Variants in HS3ST4 observed in about 807,000 individuals in gnomAD.
HS3ST4 encodes the protein heparan sulfate glucosamine 3-O-sulfotransferase 4.
In HS3ST4, 17 loss-of-function variants were observed where a neutral mutation model predicts 29.2. The observed-to-expected ratio is 0.58, with a 90% CI of 0.40 to 0.87. The LOEUF (loss-of-function observed/expected upper bound fraction) is 0.87, where lower values mean the gene tolerates loss of function less well. Among genes scored for constraint, HS3ST4 ranks in the 40% least tolerant of loss-of-function variants. HS3ST4 has a pLI of 0.00. For synonymous variants in HS3ST4, 314 were observed against 285.7 expected, an observed-to-expected ratio of 1.10 and a Z score of -1.00; for missense variants, 627 against 634.5, an observed-to-expected ratio of 0.99 and a Z score of 0.13.
intron 1 of HS3ST4, among the ~76,000 whole-genome samples, chr16:26,120,866 C>T (rs1899266313): frequency 6.6e-6 from 1 of 152,132 alleles, no homozygotes; most frequent in Admixed American, 6.5e-5. Context: ...ATGAAATGAC[C>T]TCACTATTGG....
chr16:25,756,216 A>T (rs888864337), intron 1 of HS3ST4, among the ~76,000 whole-genome samples: 1 of 151,920 alleles, frequency 6.6e-6, no homozygotes, highest in Non-Finnish European at 1.5e-5. Context: ...TGGCCCTCAA[A>T]CACATGTGAG....
rs914982928 is a variant in HS3ST4 at position 25,793,274 on chromosome 16, C to T, written c.734+100123C>T. 4.6e-5 allele frequency among the ~76,000 whole-genome samples: 7 copies of T among 151,802 alleles called. No individual in the cohort carries two copies. In the East Asian group the frequency reaches 5.8e-4, roughly 13 times the overall value. On this transcript the variant is annotated intron_variant, in intron 1 of 1. Transcript: ENST00000331351. The stretch of plus-strand genomic sequence containing the variant: ...TAAATTATTGTTAAATGCAGCATTG[C>T]GTATATTTCAATTAGATAAACATCG...
At chr16:26,021,328 C>T (rs559426799) in intron 1 of HS3ST4, among the ~76,000 whole-genome samples, 4 of 152,184 alleles carry the variant, frequency 2.6e-5, no homozygotes, top group African/African-American at 7.2e-5. Flanking sequence ...TCCTGCCCAG[C>T]GGTGATCAGC....
At chr16:26,004,884 A>G (rs1049741815) in intron 1 of HS3ST4, among the ~76,000 whole-genome samples, 1 of 152,116 alleles carries the variant, frequency 6.6e-6, no homozygotes, top group Non-Finnish European at 1.5e-5. Flanking sequence ...CTGGGAAGAT[A>G]TTTCTGGATT....
intron 1 of HS3ST4, among the ~76,000 whole-genome samples, chr16:25,991,180 C>A (rs1355494316): frequency 6.6e-6 from 1 of 152,042 alleles, no homozygotes; most frequent in African/African-American, 2.4e-5. Flanking sequence ...TAATTTAAAC[C>A]CACTGAACCA....
At chr16:26,113,903 TATATGTGTGC>T (rs954693841) in intron 1 of HS3ST4, among the ~76,000 whole-genome samples, 2 of 152,176 alleles carry the variant, frequency 1.3e-5, no homozygotes, top group African/African-American at 4.8e-5. Flanking sequence ...CATGTATGTA[TATATGTGTGC>T]ATATGTGGGC....
chr16:25,910,068 C>T (rs1227759929), intron 1 of HS3ST4, among the ~76,000 whole-genome samples: 1 of 152,164 alleles, frequency 6.6e-6, no homozygotes, highest in Non-Finnish European at 1.5e-5. Flanking sequence ...AGGCATCAAT[C>T]AGATATAGCT....
At chr16:25,787,547 T>G (rs1966859448) in intron 1 of HS3ST4, among the ~76,000 whole-genome samples, 1 of 152,192 alleles carries the variant, frequency 6.6e-6, no homozygotes, top group Non-Finnish European at 1.5e-5. Context: ...TCTTCTAAAA[T>G]AGGGATATGC....
chr16:25,863,046 T>G (rs1417850338), intron 1 of HS3ST4, among the ~76,000 whole-genome samples: 4 of 152,230 alleles, frequency 2.6e-5, no homozygotes, highest in African/African-American at 4.8e-5. Flanking sequence ...CATTTGGCTA[T>G]TTGGATTTCT....
intron 1 of HS3ST4, among the ~76,000 whole-genome samples, chr16:25,940,260 T>C (rs574747720): frequency 2.1e-4 from 20 of 96,612 alleles, no homozygotes; most frequent in Non-Finnish European, 4.4e-4. Context: ...AGTGAATTAG[T>C]CTGATGATTA....
chr16:25,905,088 G>A (rs1968166460), intron 1 of HS3ST4, among the ~76,000 whole-genome samples: 1 of 152,052 alleles, frequency 6.6e-6, no homozygotes, highest in Non-Finnish European at 1.5e-5. Context: ...ATTTAATGCT[G>A]GAGTATAGAA....
At chr16:25,918,447 G>A (rs1016187070) in intron 1 of HS3ST4, among the ~76,000 whole-genome samples, 1 of 152,214 alleles carries the variant, frequency 6.6e-6, no homozygotes, top group African/African-American at 2.4e-5. Context: ...AGGGGAGGTA[G>A]CACTACATGG....
chr16:25,815,258 T>G (rs1967081678), intron 1 of HS3ST4, among the ~76,000 whole-genome samples: 1 of 152,178 alleles, frequency 6.6e-6, no homozygotes, highest in Admixed American at 6.5e-5. Context: ...GAAGTGTGAA[T>G]TTCACCCCCG....
At chr16:25,900,665 G>A (rs931782686) in intron 1 of HS3ST4, among the ~76,000 whole-genome samples, 3 of 152,064 alleles carry the variant, frequency 2.0e-5, no homozygotes, top group Non-Finnish European at 4.4e-5. Flanking sequence ...GGGTAAACTT[G>A]ATAAAGAAGC....
intron 1 of HS3ST4, among the ~76,000 whole-genome samples, chr16:25,772,861 G>A (rs188596422): frequency 1.6e-3 from 243 of 152,286 alleles, no homozygotes; most frequent in African/African-American, 4.4e-3. Context: ...TGGCTATGAC[G>A]TCGAGAGATG....
At chr16:25,993,193 T>C in intron 1 of HS3ST4, among the ~76,000 whole-genome samples, 1 of 152,144 alleles carries the variant, frequency 6.6e-6, no homozygotes, top group East Asian at 1.9e-4. Flanking sequence ...ATTGCTGTCA[T>C]GGAATGCCAT....
At position 25,862,513 on chromosome 16, in the gene HS3ST4, C is replaced by T. The variant is rs115283034; in HGVS notation, c.734+169362C>T. The stretch of plus-strand genomic sequence containing the variant: ...CAGCCTTCCTATGAGAATGTAATGC[C>T]GATGCTGATATGACAGGAGACGGAG... On this transcript the variant is annotated intron_variant, in intron 1 of 1. Coordinates refer to ENST00000331351, the MANE Select transcript of HS3ST4 (RefSeq NM_006040.3). 5.6e-3 allele frequency among the ~76,000 whole-genome samples: 849 copies of T among 152,270 alleles called. 11 individuals carry two copies. The highest frequency in any genetic ancestry group is 0.02 in the African/African-American group (822 of 41,562).
At chr16:25,923,103 CT>C (rs1252535597) in intron 1 of HS3ST4, among the ~76,000 whole-genome samples, 3 of 152,198 alleles carry the variant, frequency 2.0e-5, no homozygotes. Context: ...GTTTTTATTA[CT>C]CTTGCTTCTT....
chr16:26,004,274 T>C (rs1328768974), intron 1 of HS3ST4, among the ~76,000 whole-genome samples: 1 of 152,198 alleles, frequency 6.6e-6, no homozygotes, highest in Admixed American at 6.5e-5. Flanking sequence ...TATGCACTTC[T>C]CTCTCTGAGC....
Sources: allele counts gnomAD v4.1 joint callset (sites outside exome capture counted in the v4.1 genomes callset), GRCh38; gene constraint gnomAD v4.1.1; transcripts MANE v1.5; gene names NCBI Gene and HGNC (gene_info 2026-07-23, HGNC 2026-07-21).